Variants in LRIG1 observed in about 807,000 individuals in gnomAD.
The protein encoded by LRIG1 is leucine-rich repeats and immunoglobulin-like domains protein 1.
Under a neutral mutation model 99.2 loss-of-function variants are expected in LRIG1, and 48 were observed. The ratio of observed to expected loss-of-function variants is 0.48; its 90% CI spans 0.38 to 0.62. The LOEUF (loss-of-function observed/expected upper bound fraction) is 0.62, where lower values mean the gene tolerates loss of function less well. Ranked by LOEUF, LRIG1 falls within the 20% of genes least tolerant of loss-of-function variation. LRIG1 has a pLI of 0.00. For missense variants in LRIG1, 1,646 were observed against 1,434.4 expected, an observed-to-expected ratio of 1.15 and a Z score of -2.38; for synonymous variants, 772 against 596.1, an observed-to-expected ratio of 1.29 and a Z score of -4.30.
chr3:66,497,506 G>A (rs1701253517), intron 1 of LRIG1, among the ~76,000 whole-genome samples: 1 of 151,990 alleles, frequency 6.6e-6, no homozygotes, highest in African/African-American at 2.4e-5. Context: ...GTAATGGGCT[G>A]GGAGACTTAA....
At chr3:66,409,152 G>A (rs996005666) in intron 7 of LRIG1, among the ~76,000 whole-genome samples, 2 of 152,006 alleles carry the variant, frequency 1.3e-5, no homozygotes, top group African/African-American at 4.8e-5. Context: ...TCACTTCAGT[G>A]GGTGAATTTT....
intron 1 of LRIG1, among the ~76,000 whole-genome samples, chr3:66,490,188 C>T (rs1280589075): frequency 6.6e-6 from 1 of 152,100 alleles, no homozygotes; most frequent in Non-Finnish European, 1.5e-5. Flanking sequence ...GAGTCCTACA[C>T]AGACTCCAAA....
At chr3:66,412,783 G>C in intron 6 of LRIG1, 88 bp downstream of exon 6, 1 of 1,476,712 alleles carries the variant, frequency 6.8e-7, no homozygotes, top group Non-Finnish European at 9.3e-7. Flanking sequence ...GTGTTGGTGC[G>C]CACATGCATG....
chr3:66,389,366 T>A (rs187679382), intron 12 of LRIG1, among the ~76,000 whole-genome samples: 1,551 of 152,210 alleles, frequency 0.01, 32 homozygotes, highest in African/African-American at 0.036. Flanking sequence ...CTCTACCTTA[T>A]TAGTAAATGC....
At chr3:66,474,586 TC>T (rs1169492571) in intron 1 of LRIG1, among the ~76,000 whole-genome samples, 1 of 152,170 alleles carries the variant, frequency 6.6e-6, no homozygotes, top group Admixed American at 6.5e-5. Flanking sequence ...CCTCAGGTGA[TC>T]CGCCCGCCTC....
In LRIG1 at chr3:66,398,952, G is replaced by GT. The variant is rs879792263; in HGVS notation, c.1232+17_1232+18insA. On this transcript the variant is annotated intron_variant, in intron 10 of 18. Transcript: ENST00000273261. ...TTCAGCAGGCTGTGCCTCAGGGCAG[G>GT]GCTGGTGAGATACTCACAGGTGCTC... is the stretch of plus-strand genomic sequence containing the variant. The GT allele has an allele frequency of 6.2e-7, 1 of 1,611,894 alleles. No individual in the cohort carries two copies. Among genetic ancestry groups the GT allele is most frequent in the Non-Finnish European group, 8.5e-7 (1 of 1,178,084 alleles).
At chr3:66,437,716 A>C (rs1463581785) in intron 3 of LRIG1, among the ~76,000 whole-genome samples, 1 of 152,150 alleles carries the variant, frequency 6.6e-6, no homozygotes, top group Non-Finnish European at 1.5e-5. Context: ...TGCTGCAAGG[A>C]AAGACGGACG....
intron 1 of LRIG1, among the ~76,000 whole-genome samples, chr3:66,484,697 C>T (rs1025900462): frequency 1.6e-4 from 24 of 152,104 alleles, no homozygotes; most frequent in Admixed American, 4.6e-4. Context: ...TGGACAGTAA[C>T]AGCTTTAAAC....
intron 3 of LRIG1, among the ~76,000 whole-genome samples, chr3:66,426,812 G>A (rs1046364244): frequency 5.9e-5 from 9 of 152,064 alleles, no homozygotes; most frequent in African/African-American, 2.2e-4. Flanking sequence ...ACATACTGAA[G>A]CTGGCCAGCT....
intron 3 of LRIG1, among the ~76,000 whole-genome samples, chr3:66,429,868 A>ATT (rs35492047): frequency 0.95 from 143,648 of 151,758 alleles, 68,281 homozygotes; most frequent in Non-Finnish European, 1. Context: ...TTTCCACTCC[A>ATT]TTTCTGTAAA....
intron 1 of LRIG1, among the ~76,000 whole-genome samples, chr3:66,487,087 G>C (rs535101462): frequency 6.6e-6 from 1 of 152,268 alleles, no homozygotes; most frequent in South Asian, 2.1e-4. Context: ...TCTTTGAAGT[G>C]GTTCTCAAGC....
intron 4 of LRIG1, among the ~76,000 whole-genome samples, chr3:66,415,915 C>T (rs1241950193): frequency 6.6e-6 from 1 of 152,172 alleles, no homozygotes; most frequent in African/African-American, 2.4e-5. Context: ...AGGAGAAAGA[C>T]CAGAGAGGAT....
At chr3:66,467,630 G>A (rs1700504807) in intron 1 of LRIG1, among the ~76,000 whole-genome samples, 3 of 152,256 alleles carry the variant, frequency 2.0e-5, no homozygotes, top group African/African-American at 7.2e-5. Flanking sequence ...CAAAGTGCTG[G>A]GATTACAGGC....
chr3:66,439,193 G>T (rs1340184972), intron 3 of LRIG1, among the ~76,000 whole-genome samples: 2 of 152,170 alleles, frequency 1.3e-5, no homozygotes, highest in Non-Finnish European at 2.9e-5. Flanking sequence ...CTGCGCCAAG[G>T]CCTCCCCGGG....
chr3:66,404,774 T>C (rs1193611076), intron 9 of LRIG1, among the ~76,000 whole-genome samples: 1 of 152,136 alleles, frequency 6.6e-6, no homozygotes, highest in Non-Finnish European at 1.5e-5. Flanking sequence ...GACGTGGTTA[T>C]TTGAGATGAT....
chr3:66,438,290 G>A (rs2106767541), intron 3 of LRIG1, among the ~76,000 whole-genome samples: 1 of 152,294 alleles, frequency 6.6e-6, no homozygotes, highest in East Asian at 1.9e-4. Flanking sequence ...AAACATGTGA[G>A]CCTGCCAGGA....
intron 2 of LRIG1, among the ~76,000 whole-genome samples, chr3:66,457,547 G>A (rs1227911954): frequency 6.6e-6 from 1 of 152,186 alleles, no homozygotes; most frequent in African/African-American, 2.4e-5. Flanking sequence ...TAGCAGGAGA[G>A]AAGAGGGATA....
intron 6 of LRIG1, among the ~76,000 whole-genome samples, 188 bp from the exon 7 acceptor site, chr3:66,410,460 C>A (rs945028840): frequency 1.3e-5 from 2 of 152,222 alleles, no homozygotes; most frequent in South Asian, 2.1e-4. Flanking sequence ...ACAGGCAAAT[C>A]AAAATGGATG....
chr3:66,493,826 AAGAAAAAAAAGAG>A (rs1384624170), intron 1 of LRIG1, among the ~76,000 whole-genome samples: 61 of 151,768 alleles, frequency 4.0e-4, no homozygotes, highest in African/African-American at 1.4e-3. Context: ...AAAGGAAAGA[AAGAAAAAAAAGAG>A]AGAGAGAGAG....
Sources: allele counts gnomAD v4.1 joint callset (sites outside exome capture counted in the v4.1 genomes callset), GRCh38; gene constraint gnomAD v4.1.1; transcripts MANE v1.5; gene names NCBI Gene and HGNC (gene_info 2026-07-23, HGNC 2026-07-21).